MLIP: variants seen among roughly 807,000 people sequenced by gnomAD.
The protein encoded by MLIP is muscular LMNA-interacting protein.
In MLIP, 79 loss-of-function variants were observed where a neutral mutation model predicts 84.8. The ratio of observed to expected loss-of-function variants is 0.93; its 90% confidence interval spans 0.78 to 1.12. MLIP has a LOEUF of 1.12. Ranked by LOEUF, MLIP falls within the 50% of genes most tolerant of loss-of-function variation. The probability of loss-of-function intolerance (pLI) is 0.00; values close to 1 mark genes in which losing one functional copy is unlikely to be tolerated. For missense variants in MLIP, 1,257 were observed against 1,160.6 expected (o/e 1.08, Z -1.21); for synonymous variants, 504 against 463.0 (o/e 1.09, Z -1.14).
intron 1 of MLIP, among the ~76,000 whole-genome samples, chr6:54,072,857 G>A (rs1268262247): frequency 6.6e-6 from 1 of 152,164 alleles, no homozygotes; most frequent in African/African-American, 2.4e-5. Context: ...GCTTACAAAT[G>A]CCAGAGGAAC....
chr6:54,140,011 A>G (rs574181708), intron 4 of MLIP, among the ~76,000 whole-genome samples: 18 of 152,290 alleles, frequency 1.2e-4, no homozygotes, highest in African/African-American at 3.6e-4. Flanking sequence ...TTCTCAATTG[A>G]CAATCCTACT....
At position 54,097,162 on chromosome 6, in the gene MLIP, T is replaced by C. The variant is rs373504313; in HGVS notation, c.64-24285T>C. ...CCAAAATAGATGTTTGCTTTTTTCT[T>C]ACATTAAGAAAAAGTTCAGAAATTT... On this transcript the variant is annotated intron_variant, in intron 1 of 12. Transcript: ENST00000274897. Among the ~76,000 whole-genome samples, 5 of 152,314 alleles carry C rather than the reference T, an allele frequency of 3.3e-5. No individual in the cohort carries two copies. In the South Asian group the frequency reaches 6.2e-4, roughly 19 times the overall value.
intron 1 of MLIP, among the ~76,000 whole-genome samples, chr6:54,025,910 A>G (rs894281114): frequency 1.3e-5 from 2 of 152,152 alleles, no homozygotes; most frequent in African/African-American, 4.8e-5. Flanking sequence ...CCCATTCATC[A>G]TTGGTATATT....
intron 1 of MLIP, among the ~76,000 whole-genome samples, chr6:54,037,899 G>A (rs964622058): frequency 3.3e-5 from 5 of 151,928 alleles, no homozygotes; most frequent in East Asian, 1.9e-4. Context: ...CCTGAAATTT[G>A]TTAGTGTATT....
intron 1 of MLIP, among the ~76,000 whole-genome samples, chr6:54,020,893 C>A (rs1461222987): frequency 2.0e-5 from 3 of 152,132 alleles, no homozygotes; most frequent in Non-Finnish European, 4.4e-5. Context: ...GTGGCAGGAA[C>A]ACATGAAAGC....
At chr6:54,257,216 A>G in intron 12 of MLIP, 92 bp from the exon 13 acceptor site, 2 of 852,318 alleles carry the variant, frequency 2.3e-6, no homozygotes, top group Middle Eastern at 2.3e-4. Flanking sequence ...TAAAATATTT[A>G]TGTCATTGTC....
chr6:54,154,616 C>A (rs778726888), intron 5 of MLIP, among the ~76,000 whole-genome samples: 1 of 152,232 alleles, frequency 6.6e-6, no homozygotes, highest in African/African-American at 2.4e-5. Context: ...CTTCCCTGTT[C>A]CGTACTGTAC....
intron 2 of MLIP, among the ~76,000 whole-genome samples, chr6:54,124,161 C>G (rs964630810): frequency 6.6e-6 from 1 of 152,138 alleles, no homozygotes; most frequent in Non-Finnish European, 1.5e-5. Flanking sequence ...TCACAAATGT[C>G]TTCACGGAAA....
intron 12 of MLIP, among the ~76,000 whole-genome samples, chr6:54,236,397 T>G (rs1478767973): frequency 6.6e-6 from 1 of 152,202 alleles, no homozygotes; most frequent in African/African-American, 2.4e-5. Context: ...GGTCAGGAGT[T>G]GGAGACCAGC....
rs72953437 is a variant in MLIP at position 54,030,115 on chromosome 6, G to A, written c.63+11024G>A. 6.8e-3 allele frequency among the ~76,000 whole-genome samples: 1,029 copies of A among 152,300 alleles called. 4 individuals carry two copies. Among genetic ancestry groups the A allele is most frequent in the Non-Finnish European group, 0.011 (737 of 68,026 alleles). ...CACATATGATTTCAAGCAACTATCA[G>A]ACCAGAGACAATGCTTACTTTCCCA... On this transcript the variant is annotated intron_variant, in intron 1 of 12. Coordinates refer to the MLIP transcript ENST00000274897.
intron 12 of MLIP, among the ~76,000 whole-genome samples, chr6:54,234,028 A>C (rs982896503): frequency 1.1e-4 from 16 of 152,066 alleles, no homozygotes; most frequent in Non-Finnish European, 2.4e-4. Context: ...TCCTTTGCCC[A>C]CTTTTTGATG....
intron 9 of MLIP, among the ~76,000 whole-genome samples, chr6:54,181,905 T>A (rs1047881738): frequency 4.6e-5 from 7 of 152,184 alleles, no homozygotes; most frequent in Admixed American, 3.9e-4. Context: ...TCCTCTTTAC[T>A]CTTCATTCTC....
intron 10 of MLIP, among the ~76,000 whole-genome samples, chr6:54,191,678 A>C (rs1160093211): frequency 6.6e-6 from 1 of 152,340 alleles, no homozygotes; most frequent in South Asian, 2.1e-4. Context: ...TATGGTTACT[A>C]ACACAGTGAA....
intron 12 of MLIP, among the ~76,000 whole-genome samples, chr6:54,254,823 C>A (rs993462340): frequency 4.1e-5 from 6 of 145,102 alleles, no homozygotes; most frequent in African/African-American, 1.3e-4. Flanking sequence ...ATCTCTCATG[C>A]ATTATTTAAA....
intron 8 of MLIP, among the ~76,000 whole-genome samples, chr6:54,168,040 A>G (rs1323968966): frequency 6.6e-6 from 1 of 151,880 alleles, no homozygotes; most frequent in South Asian, 2.1e-4. Context: ...GATTTTGCCC[A>G]GTAACTATTC....
Position 54,257,429 on chromosome 6 carries a change from TA to T in MLIP, c.2976+69del, listed in dbSNP as rs1303447958. ...TGTGATTATAGAAATAAACCAATCT[TA>T]TTTTTTTAATGTTAACAAAATTGTG... is the stretch of plus-strand genomic sequence containing the variant. On this transcript the variant is annotated intron_variant, in intron 13 of 13. Coordinates refer to ENST00000502396, the MANE Select transcript of MLIP (RefSeq NM_001281747.2). The T allele has an allele frequency of 3.2e-5, 39 of 1,226,840 alleles. 1 individual carries two copies. The South Asian group carries it at 4.8e-4, about 15-fold the overall frequency. 76.0% of individuals were successfully genotyped at this position (1,226,840 alleles called of 1,614,324 possible).
chr6:54,178,177 G>A (rs1377466365), intron 9 of MLIP, among the ~76,000 whole-genome samples: 2 of 152,050 alleles, frequency 1.3e-5, no homozygotes, highest in Non-Finnish European at 2.9e-5. Flanking sequence ...TAATCTGCAT[G>A]TCCTGCACAT....
At chr6:54,081,929 G>T (rs192709795) in intron 1 of MLIP, among the ~76,000 whole-genome samples, 61 of 152,118 alleles carry the variant, frequency 4.0e-4, no homozygotes, top group Admixed American at 9.8e-4. Context: ...GACAAATAAT[G>T]AATTTTCAAT....
chr6:54,258,215 A>G (rs1783144465), intron 13 of MLIP, among the ~76,000 whole-genome samples: 1 of 152,140 alleles, frequency 6.6e-6, no homozygotes, highest in African/African-American at 2.4e-5. Context: ...GTTTAGGAAG[A>G]AACAAGCATA....
Sources: gnomAD v4.1 joint callset for allele counts (sites outside exome capture counted in the v4.1 genomes callset) on GRCh38, gnomAD v4.1.1 for gene constraint, MANE v1.5 for transcripts, NCBI Gene and HGNC (gene_info 2026-07-23, HGNC 2026-07-21) for gene names.